The following RAB2B variants were observed in gnomAD, a reference collection of about 807,000 sequenced individuals.
RAB2B encodes the protein ras-related protein Rab-2B.
RAB2B carries 20 observed loss-of-function variants against 29.8 expected under a neutral mutation model. The observed-to-expected ratio is 0.67, with a 90% CI of 0.47 to 0.97. RAB2B has a LOEUF of 0.97. RAB2B is among the 50% of genes least tolerant of loss of function. The pLI is 0.00. For synonymous variants in RAB2B, 93 were observed against 91.7 expected (o/e 1.01, Z -0.08); for missense variants, 218 against 272.0 (o/e 0.80, Z 1.40).
chr14:21,465,502 T>C (rs1890665581), intron 5 of RAB2B, among the ~76,000 whole-genome samples: 1 of 152,212 alleles, frequency 6.6e-6, no homozygotes, highest in South Asian at 2.1e-4. Flanking sequence ...AATTATCCTT[T>C]CTTTCTCTTT....
At chr14:21,475,430 C>CT (rs11408746) in intron 2 of RAB2B, among the ~76,000 whole-genome samples, 105,286 of 129,482 alleles carry the variant, frequency 0.81, 44,176 homozygotes, top group South Asian at 0.92. Flanking sequence ...AGAAACAATA[C>CT]TTTTTTTTTT....
chr14:21,476,317 T>TA, intron 2 of RAB2B: 1 of 571,018 alleles, frequency 1.8e-6, no homozygotes, highest in Non-Finnish European at 3.1e-6. Flanking sequence ...CCTCACACTC[T>TA]AAAAAGTTAC....
intron 4 of RAB2B, 29 bp downstream of exon 4, chr14:21,468,641 C>T (rs1594411989): frequency 1.4e-6 from 2 of 1,464,496 alleles, no homozygotes; most frequent in East Asian, 2.3e-5. Context: ...AGGGAAGAAT[C>T]TCCCTCCCAT....
chr14:21,462,289 A>T, intron 7 of RAB2B, 61 bp downstream of exon 7: 1 of 1,385,678 alleles, frequency 7.2e-7, no homozygotes, highest in Non-Finnish European at 1.0e-6. Context: ...CATTCTAGGG[A>T]ACCTCCAGTT....
chr14:21,462,254 T>C (rs1890573959), intron 7 of RAB2B, 96 bp downstream of exon 7: 2 of 975,000 alleles, frequency 2.1e-6, no homozygotes, highest in African/African-American at 1.7e-5. Context: ...AATTGTATAA[T>C]GATAGATGGG....
chr14:21,470,993 C>CAAAAAAAAAAA (rs869211285), intron 3 of RAB2B, among the ~76,000 whole-genome samples: 28 of 98,764 alleles, frequency 2.8e-4, no homozygotes, highest in African/African-American at 1.0e-3. Flanking sequence ...GCTAAAAATA[C>CAAAAAAAAAAA]AAAAAAAAAA....
chr14:21,461,370 A>C (rs995526840), intron 7 of RAB2B, 67 bp from the exon 8 acceptor site: 2 of 1,017,600 alleles, frequency 2.0e-6, no homozygotes, highest in African/African-American at 3.3e-5. Flanking sequence ...GGAGGGGGCT[A>C]TCTCTGCTTG....
At position 21,476,830 on chromosome 14, in the gene RAB2B, T is replaced by C. The variant is rs760404768; in HGVS notation, c.43A>G (p.Thr15Ala). The change falls in exon 1 of 8, where the codon ACA becomes GCA. Residue 15 changes from threonine (T) to alanine (A), a missense_variant. By Grantham distance (58) the Thr-to-Ala change is moderately conservative. Coordinates refer to ENST00000397762, the MANE Select transcript of RAB2B (RefSeq NM_032846.4). ...AGGCGAACCACCTGAGGGTTACCTG[T>C]GTCTCCGATGATGATATACTTGAAG... ...YLFKYIIIGD[T>A]GVGKSCLLLQ... The C allele has an allele frequency of 2.5e-6, 4 of 1,613,276 alleles. No homozygotes were observed. The Admixed American group carries it at 6.7e-5, about 27-fold the overall frequency.
chr14:21,462,347 T>C lies in RAB2B; in HGVS notation c.543+3A>G. 2 of 1,612,756 alleles carry C rather than the reference T, an allele frequency of 1.2e-6. No individual in the cohort carries two copies. The highest frequency in any genetic ancestry group is 1.7e-6 in the Non-Finnish European group (2 of 1,179,464). The stretch of plus-strand genomic sequence containing the variant: ...AACTGCCAGCACTTCTACCCTTTCT[T>C]ACCTCATTGTGGACATCAAATAAAC... On this transcript the variant is annotated splice_donor_region_variant and intron_variant, in intron 7 of 7. Coordinates refer to ENST00000397762, the MANE Select transcript of RAB2B (RefSeq NM_032846.4).
In RAB2B at chr14:21,460,351, C is replaced by A. The variant is rs1288707465; in HGVS notation, c.*845G>T. ...ACCTGTAATCCAGCACTTTGGGAGG[C>A]CAAGGTGGGCGGATCACGAGGTCAA... is the stretch of plus-strand genomic sequence containing the variant. On this transcript the variant is annotated 3_prime_UTR_variant, in exon 8 of 8. Transcript: ENST00000397762. 2 of 504,738 alleles carry A rather than the reference C, an allele frequency of 4.0e-6. No homozygotes were observed. Among genetic ancestry groups the A allele is most frequent in the Non-Finnish European group, 7.9e-6 (2 of 251,794 alleles). 31.3% of individuals were successfully genotyped at this position (504,738 alleles called of 1,614,324 possible). A position where few individuals can be genotyped will look rare whatever the true frequency, so the allele number is the denominator to read the frequency against.
At chr14:21,462,191 G>T in intron 7 of RAB2B, among the ~76,000 whole-genome samples, 159 bp downstream of exon 7, 1 of 142,840 alleles carries the variant, frequency 7.0e-6, no homozygotes, top group African/African-American at 2.7e-5. Context: ...AGGTCTCTGT[G>T]TACCTAGATT....
intron 3 of RAB2B, among the ~76,000 whole-genome samples, chr14:21,470,333 G>T (rs555776018): frequency 6.6e-6 from 1 of 152,200 alleles, no homozygotes; most frequent in South Asian, 2.1e-4. Flanking sequence ...CTTATTAAGT[G>T]CTAGAGCCAT....
chr14:21,474,520 T>C (rs1318798800), intron 3 of RAB2B: 8 of 231,214 alleles, frequency 3.5e-5, no homozygotes, highest in Non-Finnish European at 5.1e-5. Flanking sequence ...TCTGAAAGCA[T>C]ACACGTGGAA....
rs919530270 is a variant in RAB2B, at chr14:21,459,628, T to A, written c.*1568A>T. ...TGCAAACCATATTTACATAGTAACA[T>A]ACATAAAAATAAATATACATATAAA... On this transcript the variant is annotated 3_prime_UTR_variant, in exon 8 of 8. Transcript: ENST00000397762. 1.1e-4 allele frequency: 17 copies of A among 152,220 alleles called. No homozygotes were observed. Among genetic ancestry groups the A allele is most frequent in the Admixed American group, 1.1e-3 (17 of 15,278 alleles). 9.4% of individuals were successfully genotyped at this position (152,220 alleles called of 1,614,324 possible). A position where few individuals can be genotyped will look rare whatever the true frequency, so the allele number is the denominator to read the frequency against.
In RAB2B at chr14:21,476,659, A is replaced by G. The variant is rs753216416; in HGVS notation, c.47-60T>C. Reference sequence around the variant, plus strand: ...CCCTGGAACACCTTCCAGAGTATGGACTTCCCGGACCAGAGAAGGGGGGCT... The same window carrying G: ...CCCTGGAACACCTTCCAGAGTATGGGCTTCCCGGACCAGAGAAGGGGGGCT... On this transcript the variant is annotated intron_variant, in intron 1 of 7. Coordinates refer to ENST00000397762, the MANE Select transcript of RAB2B (RefSeq NM_032846.4). 12 of 1,613,418 alleles carry G rather than the reference A, an allele frequency of 7.4e-6. No homozygotes were observed. In the East Asian group the frequency reaches 8.9e-5, roughly 12 times the overall value.
chr14:21,468,527 A>C, intron 4 of RAB2B, 78 bp from the exon 5 acceptor site: 1 of 1,396,384 alleles, frequency 7.2e-7, no homozygotes, highest in Non-Finnish European at 1.0e-6. Context: ...ATACGAAAAG[A>C]GGGGAAGCCA....
intron 3 of RAB2B, among the ~76,000 whole-genome samples, chr14:21,472,185 T>C (rs1890833775): frequency 6.6e-6 from 1 of 152,192 alleles, no homozygotes; most frequent in Non-Finnish European, 1.5e-5. Flanking sequence ...ACAAACCAAT[T>C]TGATATTATT....
intron 2 of RAB2B, 132 bp downstream of exon 2, chr14:21,476,396 A>G (rs1380778265): frequency 4.6e-6 from 4 of 869,664 alleles, no homozygotes; most frequent in East Asian, 2.5e-5. Flanking sequence ...CTTCATTAAC[A>G]TAAGTTTGGA....
intron 6 of RAB2B, 137 bp from the exon 7 acceptor site, chr14:21,462,555 G>C: frequency 1.2e-6 from 1 of 833,120 alleles, no homozygotes; most frequent in South Asian, 2.1e-5. Flanking sequence ...AACATAGAAG[G>C]TCGGTTGGGT....
Sources: allele counts gnomAD v4.1 joint callset (sites outside exome capture counted in the v4.1 genomes callset), GRCh38; gene constraint gnomAD v4.1.1; transcripts MANE v1.5; gene names NCBI Gene and HGNC (gene_info 2026-07-23, HGNC 2026-07-21).